Variants in CDC42 observed in about 807,000 individuals in gnomAD.
CDC42 encodes cell division control protein 42 homolog.
CDC42 carries 1 observed loss-of-function variant against 20.8 expected under a neutral mutation model. That is an observed-to-expected ratio of 0.05 (90% CI 0.02 to 0.23). The LOEUF (loss-of-function observed/expected upper bound fraction) is 0.23. CDC42 is among the 10% of genes least tolerant of loss of function. The pLI is 1.00. For synonymous variants in CDC42, 72 were observed against 84.8 expected (o/e 0.85, Z 0.83); for missense variants, 49 against 227.9 (o/e 0.21, Z 5.05).
At position 22,091,451 on chromosome 1, in the gene CDC42, C is replaced by T. The variant is rs200782611; in HGVS notation, c.510C>T (p.Asp170=). The T allele has an allele frequency of 1.6e-5, 26 of 1,612,962 alleles. No homozygotes were observed. The highest frequency in any genetic ancestry group is 1.5e-4 in the Admixed American group (9 of 59,948). ...AGAAAGGCCTAAAGAATGTATTTGA[C>T]GAAGCAATATTGGCTGCCCTGGAGC... The part of the protein sequence containing the change: ...LTQKGLKNVF[D]EAILAALEPP... Residue 170 remains aspartate, a synonymous_variant, in exon 6 of 6, where the codon GAC becomes GAT. Coordinates refer to ENST00000656825, the MANE Select transcript of CDC42 (RefSeq NM_001791.4).
chr1:22,066,715 G>C (rs745560730), intron 1 of CDC42, among the ~76,000 whole-genome samples: 22 of 152,178 alleles, frequency 1.4e-4, no homozygotes, highest in Middle Eastern at 3.4e-3. Context: ...GCTGAGATCT[G>C]GAGAGTGAGA....
Position 22,099,614 on chromosome 1 carries a change from T to C in CDC42, c.*8097T>C, listed in dbSNP as rs1450296071. ...GCAAAGCAGCATAAAAGGCTTCATC[T>C]GTAAGGGTAGGTTTGTTGGGTAGGA... On this transcript the variant is annotated 3_prime_UTR_variant, in exon 6 of 6. Transcript: ENST00000656825. Among the ~76,000 whole-genome samples the C allele has an allele frequency of 6.6e-6, 1 of 152,198 alleles. No homozygotes were observed.
chr1:22,066,850 G>A (rs879304340), intron 1 of CDC42, among the ~76,000 whole-genome samples: 1 of 152,178 alleles, frequency 6.6e-6, no homozygotes, highest in Admixed American at 6.5e-5. Context: ...GATCACCTGA[G>A]GTTGGGAGTT....
intron 1 of CDC42, among the ~76,000 whole-genome samples, chr1:22,070,404 G>A (rs1569991778): frequency 7.4e-6 from 1 of 134,500 alleles, no homozygotes; most frequent in South Asian, 2.5e-4. Flanking sequence ...CATTCCACAA[G>A]TTACTTCCTC....
chr1:22,055,418 CTTAA>C (rs1270482167), intron 1 of CDC42, among the ~76,000 whole-genome samples: 2 of 149,626 alleles, frequency 1.3e-5, no homozygotes, highest in African/African-American at 5.0e-5. Context: ...CCGTATTAAA[CTTAA>C]TTTTTTGGGA....
At chr1:22,081,932 AT>A (rs1457303788) in intron 3 of CDC42, 138 bp downstream of exon 3, 12 of 630,772 alleles carry the variant, frequency 1.9e-5, no homozygotes, top group Admixed American at 5.8e-5. Context: ...GAATATAATG[AT>A]TGTCGATGCT....
chr1:22,065,884 G>C (rs571537288), intron 1 of CDC42, among the ~76,000 whole-genome samples: 2 of 152,054 alleles, frequency 1.3e-5, no homozygotes, highest in South Asian at 4.2e-4. Flanking sequence ...TCAGCCTCCC[G>C]AGTAGCTGGG....
chr1:22,062,179 G>A lies in CDC42; in HGVS notation c.-51+9437G>A, dbSNP rs1020405399. On this transcript the variant is annotated intron_variant, in intron 1 of 5. Coordinates refer to ENST00000656825, the MANE Select transcript of CDC42 (RefSeq NM_001791.4). ...TCAAACTCCTGGCCTTAAATGATGT[G>A]CCTGCCTTGGCCTCCCAAAGTGTTG... Among the ~76,000 whole-genome samples, 6 of 152,150 alleles carry A rather than the reference G, an allele frequency of 3.9e-5. No individual in the cohort carries two copies. In the East Asian group the frequency reaches 1.2e-3, roughly 30 times the overall value.
chr1:22,053,214 C>T (rs1489146303), intron 1 of CDC42: 2 of 142,944 alleles, frequency 1.4e-5, no homozygotes, highest in African/African-American at 2.6e-5. Flanking sequence ...GCGCTCCGGC[C>T]TGGACTTCCT....
chr1:22,078,388 A>G (rs1250308602), intron 1 of CDC42, 41 bp from the exon 2 acceptor site: 24 of 948,154 alleles, frequency 2.5e-5, no homozygotes, highest in Non-Finnish European at 3.7e-5. Flanking sequence ...AAAAATCCAT[A>G]TGTAAGTATA....
intron 1 of CDC42, among the ~76,000 whole-genome samples, chr1:22,064,402 C>T (rs1006559411): frequency 1.3e-5 from 2 of 152,082 alleles, no homozygotes; most frequent in Non-Finnish European, 2.9e-5. Flanking sequence ...AAGGAGTTCT[C>T]CTGTCTCAGC....
chr1:22,062,986 G>A (rs1645383330), intron 1 of CDC42, among the ~76,000 whole-genome samples: 1 of 151,862 alleles, frequency 6.6e-6, no homozygotes, highest in Admixed American at 6.6e-5. Context: ...GTTGTCTTTG[G>A]CAGCCCACCT....
chr1:22,087,275 A>G (rs1217783551), intron 5 of CDC42, among the ~76,000 whole-genome samples: 3 of 152,260 alleles, frequency 2.0e-5, no homozygotes, highest in African/African-American at 4.8e-5. Context: ...TTCTTGGGCA[A>G]TTCAACCAGG....
In CDC42 at chr1:22,097,141, G is replaced by A. The variant is rs148934405; in HGVS notation, c.*5624G>A. Among the ~76,000 whole-genome samples, 1,748 of 152,308 alleles carry A rather than the reference G, an allele frequency of 0.011. 43 individuals carry two copies. The highest frequency in any genetic ancestry group is 0.039 in the African/African-American group (1,632 of 41,564). ...AGGTGAGGACATTTAGATGACCTTT[G>A]CCTGTCACCACACAGCTGTATGGTA... On this transcript the variant is annotated 3_prime_UTR_variant, in exon 6 of 6. Transcript: ENST00000656825.
chr1:22,088,657 G>A (rs886099643), intron 5 of CDC42, among the ~76,000 whole-genome samples: 1 of 152,096 alleles, frequency 6.6e-6, no homozygotes, highest in Non-Finnish European at 1.5e-5. Context: ...GTTGATCTTC[G>A]TCCATGGTAA....
intron 1 of CDC42, among the ~76,000 whole-genome samples, chr1:22,061,411 GAAAA>G (rs150165231): frequency 7.3e-6 from 1 of 136,372 alleles, no homozygotes. Context: ...TCTGTCTCAG[GAAAA>G]AAAAAAAAAA....
intron 1 of CDC42, among the ~76,000 whole-genome samples, chr1:22,054,758 C>G (rs1645276604): frequency 6.6e-6 from 1 of 151,376 alleles, no homozygotes; most frequent in Non-Finnish European, 1.5e-5. Flanking sequence ...ATTTGTTAGC[C>G]TTGATGTAAT....
At chr1:22,079,297 CCTTT>C (rs763211996) in intron 2 of CDC42, among the ~76,000 whole-genome samples, 17 of 152,052 alleles carry the variant, frequency 1.1e-4, no homozygotes, top group Non-Finnish European at 1.6e-4. Context: ...CGCCACCACG[CCTTT>C]CTAATTTTTG....
At chr1:22,076,386 A>C (rs1187733700) in intron 1 of CDC42, among the ~76,000 whole-genome samples, 1 of 152,040 alleles carries the variant, frequency 6.6e-6, no homozygotes, top group East Asian at 1.9e-4. Context: ...TGAACCCGGG[A>C]GGCAGAGGTT....
Sources: allele counts gnomAD v4.1 joint callset (sites outside exome capture counted in the v4.1 genomes callset), GRCh38; gene constraint gnomAD v4.1.1; transcripts MANE v1.5; gene names NCBI Gene and HGNC (gene_info 2026-07-23, HGNC 2026-07-21).